The following NTAQ1 variants were observed in gnomAD, a reference collection of about 807,000 sequenced individuals.
NTAQ1 encodes protein N-terminal glutamine amidohydrolase.
NTAQ1 carries 21 observed loss-of-function variants against 28.2 expected under a neutral mutation model. The observed-to-expected ratio is 0.74, with a 90% confidence interval of 0.53 to 1.07. The LOEUF (loss-of-function observed/expected upper bound fraction) is 1.07, where lower values mean the gene tolerates loss of function less well. NTAQ1 is among the 50% of genes least tolerant of loss of function. NTAQ1 has a pLI of 0.00. For missense variants in NTAQ1, 264 were observed against 256.6 expected (o/e 1.03, Z -0.20); for synonymous variants, 105 against 90.0 (o/e 1.17, Z -0.94).
At chr8:123,468,887 CCCTT>C (rs1229177859) in exon 7 of NTAQ1, among the ~76,000 whole-genome samples, 4 of 152,056 alleles carry the variant, frequency 2.6e-5, no homozygotes, top group African/African-American at 7.2e-5. Context: ...TATACAGTCT[CCCTT>C]CTTTCTTTTC....
At chr8:123,446,998 T>C (rs1815317759), downstream of NTAQ1, among the ~76,000 whole-genome samples, 1 of 151,586 alleles carries the variant, frequency 6.6e-6, no homozygotes, top group Non-Finnish European at 1.5e-5. Context: ...GGTTCTGTTA[T>C]CATCTGTGCC....
At chr8:123,468,164 A>G (rs774199655) in exon 7 of NTAQ1, among the ~76,000 whole-genome samples, 3 of 152,232 alleles carry the variant, frequency 2.0e-5, no homozygotes, top group Non-Finnish European at 2.9e-5. Flanking sequence ...GTAGTGGGGT[A>G]GGGAATAAGC....
intron 6 of NTAQ1, among the ~76,000 whole-genome samples, chr8:123,454,049 C>G (rs766778829): frequency 1.3e-5 from 2 of 152,134 alleles, no homozygotes; most frequent in Admixed American, 1.3e-4. Flanking sequence ...TCCCCATGGT[C>G]GGGATGAAGT....
intron 6 of NTAQ1, among the ~76,000 whole-genome samples, chr8:123,456,127 C>A (rs1186143539): frequency 3.3e-5 from 5 of 152,192 alleles, no homozygotes; most frequent in African/African-American, 9.6e-5. Context: ...TAGGTTCTTG[C>A]ATCTCCAATG....
chr8:123,469,503 C>T (rs546107818), exon 7 of NTAQ1, among the ~76,000 whole-genome samples: 50 of 152,256 alleles, frequency 3.3e-4, no homozygotes, highest in African/African-American at 1.1e-3. Flanking sequence ...TTGTCTTCTC[C>T]CTTCTAATGT....
chr8:123,416,930 C>T lies in NTAQ1; in HGVS notation c.81C>T (p.Tyr27=). ...PRDACVYSSC[Y]CEENIWKLCE... ...ACGCCTGCGTCTACAGCAGCTGCTA[C>T]TGGTGAGGGGGCGCGGGCGCAGCCT... The change falls in exon 1 of 6, where the codon TAC becomes TAT. Residue 27 remains tyrosine, a splice_region_variant and synonymous_variant. Transcript: ENST00000287387. The T allele has an allele frequency of 1.3e-6, 2 of 1,501,156 alleles. No individual in the cohort carries two copies. Among genetic ancestry groups the T allele is most frequent in the Non-Finnish European group, 1.8e-6 (2 of 1,124,442 alleles). 93.0% of individuals were successfully genotyped at this position (1,501,156 alleles called of 1,614,324 possible). A position where few individuals can be genotyped will look rare whatever the true frequency, so the allele number is the denominator to read the frequency against.
chr8:123,416,866 C>T lies in NTAQ1; in HGVS notation c.17C>T (p.Pro6Leu), dbSNP rs931776644. The change falls in exon 1 of 6, where the codon CCC becomes CTC. Residue 6 changes from proline (P) to leucine (L), a missense_variant. Physicochemically the swap from Pro to Leu is moderately conservative, Grantham distance 98. Coordinates refer to ENST00000287387, the MANE Select transcript of NTAQ1 (RefSeq NM_018024.3). MEGNG[P>L]AAVHYQPASP... ...TAGCCGGCCATGGAAGGTAATGGCC[C>T]CGCTGCTGTCCACTACCAGCCGGCC... is the stretch of plus-strand genomic sequence containing the variant. 7 of 1,530,342 alleles carry T rather than the reference C, an allele frequency of 4.6e-6. No individual in the cohort carries two copies. The highest frequency in any genetic ancestry group is 5.3e-6 in the Non-Finnish European group (6 of 1,139,556). The allele number at this position is 1,530,342 out of a possible 1,614,324, so 94.8% of individuals were successfully genotyped here. A position where few individuals can be genotyped will look rare whatever the true frequency, so the allele number is the denominator to read the frequency against.
chr8:123,424,487 C>G (rs1267805260), intron 1 of NTAQ1, among the ~76,000 whole-genome samples: 1 of 152,018 alleles, frequency 6.6e-6, no homozygotes, highest in Non-Finnish European at 1.5e-5. Flanking sequence ...CATGATCCAC[C>G]CGCTTCGGCC....
chr8:123,447,020 C>T (rs1815318438), downstream of NTAQ1, among the ~76,000 whole-genome samples: 1 of 140,514 alleles, frequency 7.1e-6, no homozygotes, highest in African/African-American at 2.6e-5. Flanking sequence ...TGTTCATTGT[C>T]TGCTTGAATA....
intron 1 of NTAQ1, among the ~76,000 whole-genome samples, chr8:123,421,049 T>A (rs1183934942): frequency 1.3e-5 from 2 of 150,648 alleles, no homozygotes; most frequent in East Asian, 3.9e-4. Context: ...CCTCCCAAAG[T>A]GCTGGGATTA....
At chr8:123,436,667 CTTTTTTTT>C (rs10590897) in intron 4 of NTAQ1, 66 bp downstream of exon 4, 22 of 1,353,388 alleles carry the variant, frequency 1.6e-5, no homozygotes, top group Non-Finnish European at 2.2e-5. Flanking sequence ...CACAGAGGTT[CTTTTTTTT>C]TTTGACAATT....
intron 6 of NTAQ1, among the ~76,000 whole-genome samples, chr8:123,462,088 C>T (rs1448659476): frequency 1.3e-5 from 2 of 152,132 alleles, no homozygotes; most frequent in African/African-American, 4.8e-5. Flanking sequence ...CTGTGTCACC[C>T]AGGCTGGAGT....
At chr8:123,427,060 A>G (rs1004434069) in intron 1 of NTAQ1, among the ~76,000 whole-genome samples, 1 of 152,146 alleles carries the variant, frequency 6.6e-6, no homozygotes, top group Admixed American at 6.6e-5. Flanking sequence ...GTTCCCGGAC[A>G]TATCACATAA....
chr8:123,420,787 T>A (rs538995851), intron 1 of NTAQ1, among the ~76,000 whole-genome samples: 1 of 151,596 alleles, frequency 6.6e-6, no homozygotes, highest in Non-Finnish European at 1.5e-5. Context: ...TTGTTTATTT[T>A]TATTTATTTA....
intron 6 of NTAQ1, among the ~76,000 whole-genome samples, chr8:123,460,160 T>C (rs1815780112): frequency 6.6e-6 from 1 of 152,188 alleles, no homozygotes; most frequent in South Asian, 2.1e-4. Context: ...AAAAAAATCT[T>C]AAATAGTACC....
intron 1 of NTAQ1, among the ~76,000 whole-genome samples, chr8:123,423,247 C>T (rs888701113): frequency 6.1e-5 from 9 of 148,432 alleles, no homozygotes; most frequent in Admixed American, 6.7e-5. Flanking sequence ...CTCCTTCCCT[C>T]CCTCCTTCCC....
rs777436352 is a variant in NTAQ1 at position 123,429,989 on chromosome 8, A to G, written c.190A>G (p.Ile64Val). The change falls in exon 3 of 6, where the codon ATC becomes GTC. Residue 64 changes from isoleucine (I) to valine (V), a missense_variant. Coordinates refer to ENST00000287387, the MANE Select transcript of NTAQ1 (RefSeq NM_018024.3). The stretch of plus-strand genomic sequence containing the variant: ...AATGTATTGTATTTTGTAGATACCT[A>G]TCTGGAAACAACAGGCGAGACCTGG... Reference protein sequence around the residue: ...FISNERKMIPIWKQQARPGDG... With the variant: ...FISNERKMIPVWKQQARPGDG... The G allele has an allele frequency of 1.2e-6, 2 of 1,612,116 alleles. No individual in the cohort carries two copies. Among genetic ancestry groups the G allele is most frequent in the Non-Finnish European group, 1.7e-6 (2 of 1,178,824 alleles).
chr8:123,428,939 T>C (rs913935565), intron 2 of NTAQ1, among the ~76,000 whole-genome samples: 7 of 152,154 alleles, frequency 4.6e-5, no homozygotes, highest in Non-Finnish European at 8.8e-5. Context: ...ATGGAAGATG[T>C]AGACTTTTTA....
At chr8:123,446,486 A>G (rs1447694150), downstream of NTAQ1, among the ~76,000 whole-genome samples, 12 of 152,168 alleles carry the variant, frequency 7.9e-5, no homozygotes, top group Admixed American at 6.5e-5. Flanking sequence ...CTCCAATAAA[A>G]CTTTGCAAAA....
Sources: allele counts gnomAD v4.1 joint callset (sites outside exome capture counted in the v4.1 genomes callset), GRCh38; gene constraint gnomAD v4.1.1; transcripts MANE v1.5; gene names NCBI Gene and HGNC (gene_info 2026-07-23, HGNC 2026-07-21).